CMTM6: variants seen among roughly 807,000 people sequenced by gnomAD.
CMTM6 encodes the protein CKLF-like MARVEL transmembrane domain-containing protein 6.
A neutral mutation model predicts 13.6 loss-of-function variants in CMTM6; 5 were observed. The ratio of observed to expected loss-of-function variants is 0.37; its 90% CI spans 0.19 to 0.77. The LOEUF is 0.77. Ranked by LOEUF, CMTM6 falls within the 30% of genes least tolerant of loss-of-function variation. CMTM6 has a pLI of 0.50. For missense variants in CMTM6, 196 were observed against 218.6 expected (o/e 0.90, Z 0.65); for synonymous variants, 99 against 84.5 (o/e 1.17, Z -0.94).
intron 1 of CMTM6, among the ~76,000 whole-genome samples, chr3:32,498,964 T>C (rs1186806437): frequency 6.6e-6 from 1 of 152,190 alleles, no homozygotes; most frequent in Admixed American, 6.5e-5. Context: ...TTTAACAGTC[T>C]ACTACTTATA....
chr3:32,482,797 C>T lies in CMTM6; in HGVS notation c.*1163G>A, dbSNP rs909217374. On this transcript the variant is annotated 3_prime_UTR_variant, in exon 4 of 4. Coordinates refer to ENST00000205636, the MANE Select transcript of CMTM6 (RefSeq NM_017801.3). ...CAAGGACTCTCAAGATCCTGCTACA[C>T]AGTATTCACAATCAAAAGGGCCCAA... 6 of 145,410 alleles carry T rather than the reference C, an allele frequency of 4.1e-5. No homozygotes were observed. The highest frequency in any genetic ancestry group is 1.6e-4 in the African/African-American group (6 of 38,650). 9.0% of individuals were successfully genotyped at this position (145,410 alleles called of 1,614,324 possible). A position where few individuals can be genotyped will look rare whatever the true frequency, so the allele number is the denominator to read the frequency against.
intron 1 of CMTM6, among the ~76,000 whole-genome samples, chr3:32,500,907 C>T (rs924129896): frequency 1.3e-5 from 2 of 152,056 alleles, no homozygotes; most frequent in Admixed American, 1.3e-4. Context: ...AAGAATGCTT[C>T]AGATGGGCTG....
intron 3 of CMTM6, 86 bp from the exon 4 acceptor site, chr3:32,484,183 A>C: frequency 8.4e-7 from 1 of 1,194,248 alleles, no homozygotes; most frequent in Non-Finnish European, 1.1e-6. Context: ...TGTTTCATAT[A>C]AACAAGATGT....
chr3:32,483,962 A>C lies in CMTM6; in HGVS notation c.550T>G (p.Ter184GluextTer9). Residue 184 changes from the stop codon to glutamate (E), a stop_lost, in exon 4 of 4, where the codon TAA (stop) becomes GAA (glutamate). Coordinates refer to ENST00000205636, the MANE Select transcript of CMTM6 (RefSeq NM_017801.3). ...AEALTEPLNA[*>E] ...GTAACATCTGCTCCCCAGAGTCTTT[A>C]GGCATTAAGTGGCTCAGTGAGGGCT... 6.3e-7 allele frequency: 1 copy of C among 1,598,580 alleles called. No individual in the cohort carries two copies. The highest frequency in any genetic ancestry group is 8.5e-7 in the Non-Finnish European group (1 of 1,174,680).
In CMTM6 at chr3:32,483,812, A is replaced by C; in HGVS notation, c.*148T>G. 1 of 765,016 alleles carries C rather than the reference A, an allele frequency of 1.3e-6. No homozygotes were observed. Among genetic ancestry groups the C allele is most frequent in the South Asian group, 4.5e-5 (1 of 22,304 alleles). 47.4% of individuals were successfully genotyped at this position (765,016 alleles called of 1,614,324 possible). A position where few individuals can be genotyped will look rare whatever the true frequency, so the allele number is the denominator to read the frequency against. Reference sequence around the variant, plus strand: ...GGCCTACTTTGTGGTGACTGACACAATATTGATAAAACTGCCTTCTTGACC... The same window carrying C: ...GGCCTACTTTGTGGTGACTGACACACTATTGATAAAACTGCCTTCTTGACC... On this transcript the variant is annotated 3_prime_UTR_variant, in exon 4 of 4. Coordinates refer to ENST00000205636, the MANE Select transcript of CMTM6 (RefSeq NM_017801.3).
chr3:32,493,142 T>C (rs1288579565), intron 1 of CMTM6, among the ~76,000 whole-genome samples: 1 of 152,240 alleles, frequency 6.6e-6, no homozygotes, highest in East Asian at 1.9e-4. Flanking sequence ...TTTAACTGTA[T>C]GGCCATAAAA....
intron 2 of CMTM6, among the ~76,000 whole-genome samples, chr3:32,489,458 A>G (rs1302674867): frequency 2.0e-5 from 3 of 151,516 alleles, no homozygotes; most frequent in Non-Finnish European, 4.4e-5. Context: ...CAAGAACACC[A>G]TGGCCAACAT....
chr3:32,483,069 T>C lies in CMTM6; in HGVS notation c.*891A>G, dbSNP rs559940208. 2.0e-4 allele frequency: 30 copies of C among 152,766 alleles called. No individual in the cohort carries two copies. The highest frequency in any genetic ancestry group is 6.0e-4 in the African/African-American group (25 of 41,568). 9.5% of individuals were successfully genotyped at this position (152,766 alleles called of 1,614,324 possible). The stretch of plus-strand genomic sequence containing the variant: ...AAATAATCATATGCCAACAGGGGAA[T>C]TGAACCACTTTCTAAATCATAGTAT... On this transcript the variant is annotated 3_prime_UTR_variant, in exon 4 of 4. Transcript: ENST00000205636.
At position 32,502,790 on chromosome 3, in the gene CMTM6, G is replaced by A. The variant is rs1378058746; in HGVS notation, c.-45C>T. ...CGGCGGCCGCAGCAACCGCGCCGTT[G>A]ACTTCTCGGACTCCAGAAGTCCCCG... is the stretch of plus-strand genomic sequence containing the variant. On this transcript the variant is annotated 5_prime_UTR_variant, in exon 1 of 4. Transcript: ENST00000205636. 3 of 1,390,116 alleles carry A rather than the reference G, an allele frequency of 2.2e-6. No homozygotes were observed. The highest frequency in any genetic ancestry group is 2.8e-6 in the Non-Finnish European group (3 of 1,072,362). 86.1% of individuals were successfully genotyped at this position (1,390,116 alleles called of 1,614,324 possible).
intron 2 of CMTM6, among the ~76,000 whole-genome samples, chr3:32,490,083 TA>T (rs1559424402): frequency 6.6e-6 from 1 of 152,072 alleles, no homozygotes. Context: ...CCATCTCTAC[TA>T]AAAGTACAAA....
intron 1 of CMTM6, among the ~76,000 whole-genome samples, chr3:32,498,242 T>C (rs951285070): frequency 6.6e-6 from 1 of 152,150 alleles, no homozygotes; most frequent in South Asian, 2.1e-4. Context: ...TTTACAAAGA[T>C]GGAATTAAGC....
intron 2 of CMTM6, chr3:32,488,294 A>C: frequency 4.5e-5 from 10 of 224,058 alleles, no homozygotes; most frequent in East Asian, 1.8e-4. Context: ...ACAATCCCCT[A>C]TGCCAGGAGA....
chr3:32,489,243 C>A (rs1421050333), intron 2 of CMTM6, among the ~76,000 whole-genome samples: 1 of 136,030 alleles, frequency 7.4e-6, no homozygotes, highest in African/African-American at 2.9e-5. Flanking sequence ...GCATTCCAGC[C>A]TGGGCGACAG....
chr3:32,502,248 A>C (rs1395858023), intron 1 of CMTM6, among the ~76,000 whole-genome samples: 1 of 152,236 alleles, frequency 6.6e-6, no homozygotes, highest in African/African-American at 2.4e-5. Context: ...AAATACAGGC[A>C]CTGTGGGCGA....
At chr3:32,484,133 T>G (rs1233339732) in intron 3 of CMTM6, 36 bp from the exon 4 acceptor site, 12 of 1,470,040 alleles carry the variant, frequency 8.2e-6, no homozygotes, top group Non-Finnish European at 1.1e-5. Flanking sequence ...ATATGAGAAT[T>G]TTGGAATATA....
intron 1 of CMTM6, among the ~76,000 whole-genome samples, chr3:32,499,512 A>G (rs1697326828): frequency 6.6e-6 from 1 of 152,206 alleles, no homozygotes; most frequent in Admixed American, 6.5e-5. Flanking sequence ...TCAGCAAGCA[A>G]TTAGGTTACC....
Position 32,491,820 on chromosome 3 carries a change from A to G in CMTM6, c.205T>C (p.Tyr69His). ...VSQCTLCGGL[Y>H]FFEFVSCSAF... Reference sequence around the variant, plus strand: ...CTGCAGCTTACAAACTCAAAAAAATAAAGTCCTCCACATAAAGTACATTGT... The same window carrying G: ...CTGCAGCTTACAAACTCAAAAAAATGAAGTCCTCCACATAAAGTACATTGT... The change falls in exon 2 of 4, where the codon TAT becomes CAT. Residue 69 changes from tyrosine (Y) to histidine (H), a missense_variant. By Grantham distance (83) the Tyr-to-His change is moderately conservative. This residue lies in a region of CMTM6 where 111 missense variants were observed against 160.0 expected (regional missense o/e 0.69). Transcript: ENST00000205636. 6.2e-7 allele frequency: 1 copy of G among 1,614,044 alleles called. No individual in the cohort carries two copies. The highest frequency in any genetic ancestry group is 8.5e-7 in the Non-Finnish European group (1 of 1,179,926).
intron 3 of CMTM6, 67 bp downstream of exon 3, chr3:32,487,871 G>T: frequency 8.9e-7 from 1 of 1,127,986 alleles, no homozygotes. Flanking sequence ...AACTTGTCAA[G>T]TACTCTCCAA....
chr3:32,496,132 C>T (rs1478712152), intron 1 of CMTM6, among the ~76,000 whole-genome samples: 4 of 147,956 alleles, frequency 2.7e-5, no homozygotes, highest in Non-Finnish European at 5.9e-5. Context: ...ACCCAGGAGG[C>T]AGAGGTTCCA....
Sources: gnomAD v4.1 joint callset for allele counts (sites outside exome capture counted in the v4.1 genomes callset) on GRCh38, gnomAD v4.1.1 for gene constraint, gnomAD v4.1.1 regional missense constraint, MANE v1.5 for transcripts, NCBI Gene and HGNC (gene_info 2026-07-23, HGNC 2026-07-21) for gene names.